The following RBPJL variants were observed in gnomAD, a reference collection of about 807,000 sequenced individuals.
The protein encoded by RBPJL is recombining binding protein suppressor of hairless-like protein.
A neutral mutation model predicts 57.6 loss-of-function variants in RBPJL; 50 were observed. That is an observed-to-expected ratio of 0.87 (90% CI 0.69 to 1.10). RBPJL has a LOEUF of 1.10. Among genes scored for constraint, RBPJL ranks in the 50% least tolerant of loss-of-function variants. The pLI is 0.00. For missense variants in RBPJL, 684 were observed against 693.7 expected, an observed-to-expected ratio of 0.99 and a Z score of 0.16; for synonymous variants, 303 against 294.4, an observed-to-expected ratio of 1.03 and a Z score of -0.30.
rs950002421 is a variant in RBPJL, at chr20:45,306,871, T to G, written c.-52T>G. ...TGCAGGGTTCCAGCGACAGCAGCAC[T>G]GGACTCGTCCAGAGGGCGGCGGGTG... is the stretch of plus-strand genomic sequence containing the variant. On this transcript the variant is annotated 5_prime_UTR_variant, in exon 1 of 12. Coordinates refer to ENST00000343694, the MANE Select transcript of RBPJL (RefSeq NM_014276.4). The G allele has an allele frequency of 2.4e-5, 30 of 1,245,212 alleles. No individual in the cohort carries two copies. Among genetic ancestry groups the G allele is most frequent in the Non-Finnish European group, 2.9e-5 (29 of 983,780 alleles). The allele number at this position is 1,245,212 out of a possible 1,614,324, so 77.1% of individuals were successfully genotyped here. A position where few individuals can be genotyped will look rare whatever the true frequency, so the allele number is the denominator to read the frequency against.
chr20:45,312,394 T>C lies in RBPJL; in HGVS notation c.618T>C (p.Asp206=), dbSNP rs756040986. ...SQKKQSLKNT[D]LCISSGSKVS... is the part of the protein sequence containing the mutation. ...AGAAGCAGTCGCTGAAAAACACCGA[T>C]CGTGAGCAGGGCGGGGCCTGACCCC... The change falls in exon 6 of 12, where the codon GAT becomes GAC. Residue 206 remains aspartate, a splice_region_variant and synonymous_variant. Coordinates refer to ENST00000343694, the MANE Select transcript of RBPJL (RefSeq NM_014276.4). 50 of 1,612,564 alleles carry C rather than the reference T, an allele frequency of 3.1e-5. No individual in the cohort carries two copies. The highest frequency in any genetic ancestry group is 4.0e-5 in the African/African-American group (3 of 74,802).
At position 45,314,478 on chromosome 20, in the gene RBPJL, C is replaced by T. The variant is rs758139297; in HGVS notation, c.933C>T (p.His311=). ...TGGATGAGCCCATCTCCCAGCTGCA[C>T]AAGTGTGCATTCCAGTTTCCAGGCA... ...LDVDEPISQL[H]KCAFQFPGSP... is the part of the protein sequence containing the mutation. Residue 311 remains histidine, a synonymous_variant, in exon 9 of 12, where the codon CAC becomes CAT. Transcript: ENST00000343694. 3 of 1,614,230 alleles carry T rather than the reference C, an allele frequency of 1.9e-6. No individual in the cohort carries two copies. In the South Asian group the frequency reaches 3.3e-5, roughly 18 times the overall value.
At position 45,316,727 on chromosome 20, in the gene RBPJL, C is replaced by T. The variant is rs1377043626; in HGVS notation, c.1322C>T (p.Ala441Val). The T allele has an allele frequency of 6.2e-7, 1 of 1,612,494 alleles. No homozygotes were observed. Among genetic ancestry groups the T allele is most frequent in the Non-Finnish European group, 8.5e-7 (1 of 1,179,362 alleles). ...SLVCVVPDVAAFCSDWRWLRA... is the reference protein window; with the variant it reads ...SLVCVVPDVAVFCSDWRWLRA... Reference sequence around the variant, plus strand: ...GTGTGCGTGGTGCCGGACGTGGCGGCCTTCTGCAGCGACTGGCGCTGGCTG... The same window carrying T: ...GTGTGCGTGGTGCCGGACGTGGCGGTCTTCTGCAGCGACTGGCGCTGGCTG... Residue 441 changes from alanine to valine, a missense_variant, in exon 12 of 12, where the codon GCC (alanine) becomes GTC (valine). By Grantham distance (64) the Ala-to-Val change is moderately conservative (BLOSUM62 0). Coordinates refer to ENST00000343694, the MANE Select transcript of RBPJL (RefSeq NM_014276.4).
intron 5 of RBPJL, 131 bp downstream of exon 5, chr20:45,312,085 A>C: frequency 6.7e-7 from 1 of 1,488,970 alleles, no homozygotes; most frequent in Non-Finnish European, 9.3e-7. Flanking sequence ...TCCTGCCTTA[A>C]GGCCGAGCCT....
In RBPJL at chr20:45,309,132, C is replaced by A. The variant is rs529380182; in HGVS notation, c.132-435C>A. On this transcript the variant is annotated intron_variant, in intron 2 of 11. Transcript: ENST00000343694. ...GCTCTCCCTTCCCCTCCCTCCTCAC[C>A]CCCCACCCTGCCTTCCCCAGGGTGG... 1.5e-3 allele frequency among the ~76,000 whole-genome samples: 226 copies of A among 152,124 alleles called. 1 individual carries two copies. In the Middle Eastern group the frequency reaches 0.017, roughly 11 times the overall value.
Position 45,309,577 on chromosome 20 carries a change from G to GAGC in RBPJL, c.144_146dup (p.Glu48_His49insGln). 1 of 1,610,110 alleles carries GAGC rather than the reference G, an allele frequency of 6.2e-7. No individual in the cohort carries two copies. ...CTGCCCTACTCCCAGGTCATCCCCA[G>GAGC]AGCACACCACCATTCTGAGGGGAGG... On this transcript the variant is annotated inframe_insertion, in exon 3 of 12. Transcript: ENST00000343694.
chr20:45,308,376 C>G (rs936706335), intron 2 of RBPJL, 125 bp downstream of exon 2: 3 of 648,406 alleles, frequency 4.6e-6, no homozygotes, highest in Non-Finnish European at 8.3e-6. Context: ...GCAACCCCTC[C>G]CACTGGCAGG....
rs1180831707 is a variant in RBPJL, at chr20:45,309,636, G to A, written c.201G>A (p.Gln67=). 1 of 1,613,680 alleles carries A rather than the reference G, an allele frequency of 6.2e-7. No homozygotes were observed. The highest frequency in any genetic ancestry group is 2.2e-5 in the East Asian group (1 of 44,838). The change falls in exon 3 of 12, where the codon CAG becomes CAA. Residue 67 remains glutamine, a synonymous_variant. Coordinates refer to ENST00000343694, the MANE Select transcript of RBPJL (RefSeq NM_014276.4). The part of the protein sequence containing the change: ...VRRCLQQQCE[Q]TVRILHAKVA... ...GGTGCCTGCAGCAACAGTGTGAACAGACTGTGCGGATCCTGCATGCCAAGG... is the reference window on the plus strand; with the variant it reads ...GGTGCCTGCAGCAACAGTGTGAACAAACTGTGCGGATCCTGCATGCCAAGG...
intron 3 of RBPJL, among the ~76,000 whole-genome samples, chr20:45,311,360 T>C (rs1987156676): frequency 6.6e-6 from 1 of 152,066 alleles, no homozygotes; most frequent in South Asian, 2.1e-4. Context: ...GGATTCTGGA[T>C]ATATTATATT....
intron 5 of RBPJL, 30 bp downstream of exon 5, chr20:45,311,984 C>T: frequency 6.6e-7 from 1 of 1,505,384 alleles, no homozygotes; most frequent in South Asian, 1.2e-5. Flanking sequence ...GGTCCGATTC[C>T]TGCTCCCATC....
In RBPJL at chr20:45,316,245, C is replaced by G; in HGVS notation, c.1079C>G (p.Thr360Ser). 6.2e-7 allele frequency: 1 copy of G among 1,614,244 alleles called. No homozygotes were observed. Among genetic ancestry groups the G allele is most frequent in the Non-Finnish European group, 8.5e-7 (1 of 1,180,028 alleles). The change falls in exon 10 of 12, where the codon ACC becomes AGC. Residue 360 changes from threonine (T) to serine (S), a missense_variant. Coordinates refer to ENST00000343694, the MANE Select transcript of RBPJL (RefSeq NM_014276.4). Reference protein sequence around the residue: ...RALLNDSSCWTIIGTESVEFS... With the variant: ...RALLNDSSCWSIIGTESVEFS... ...CTGCTTAACGACAGCTCTTGCTGGA[C>G]CATCATCGGCACCGAGTCGGTGGAA...
chr20:45,309,596 G>A lies in RBPJL; in HGVS notation c.161G>A (p.Arg54Lys), dbSNP rs1400486615. 2 of 1,613,050 alleles carry A rather than the reference G, an allele frequency of 1.2e-6. No homozygotes were observed. The highest frequency in any genetic ancestry group is 2.2e-5 in the East Asian group (1 of 44,816). ...TCCCCAGAGCACACCACCATTCTGA[G>A]GGGAGGCGTGCGCAGGTGCCTGCAG... is the stretch of plus-strand genomic sequence containing the variant. The part of the protein sequence containing the change: ...RSSPEHTTIL[R>K]GGVRRCLQQQ... The change falls in exon 3 of 12, where the codon AGG becomes AAG. Residue 54 changes from arginine (R) to lysine (K), a missense_variant. Coordinates refer to ENST00000343694, the MANE Select transcript of RBPJL (RefSeq NM_014276.4).
At chr20:45,313,908 T>G in intron 7 of RBPJL, 127 bp from the exon 8 acceptor site, 1 of 755,928 alleles carries the variant, frequency 1.3e-6, no homozygotes, top group Non-Finnish European at 2.2e-6. Context: ...TTGGCTCCCC[T>G]GAGTACCAAG....
At chr20:45,309,860 G>A (rs1239234657) in intron 3 of RBPJL, among the ~76,000 whole-genome samples, 168 bp downstream of exon 3, 1 of 152,172 alleles carries the variant, frequency 6.6e-6, no homozygotes, top group East Asian at 1.9e-4. Flanking sequence ...CCCCACTTTG[G>A]TCTATAGTTC....
chr20:45,314,716 T>A, intron 9 of RBPJL, 151 bp downstream of exon 9: 1 of 687,802 alleles, frequency 1.5e-6, no homozygotes, highest in Non-Finnish European at 2.4e-6. Flanking sequence ...GACAGAATCA[T>A]AGGATGTAGA....
In RBPJL at chr20:45,312,358, G is replaced by T. The variant is rs765826504; in HGVS notation, c.582G>T (p.Lys194Asn). 5.6e-6 allele frequency: 9 copies of T among 1,614,166 alleles called. No individual in the cohort carries two copies. In the Admixed American group the frequency reaches 1.2e-4, roughly 21 times the overall value. Residue 194 changes from lysine to asparagine, a missense_variant, in exon 6 of 12, where the codon AAG becomes AAT. Transcript: ENST00000343694. ...GCCGCCTTATCAAGGTCATCTCGAA[G>T]CCCTCGCAGAAGAAGCAGTCGCTGA... ...FHSRLIKVIS[K>N]PSQKKQSLKN...
chr20:45,308,566 T>G, intron 2 of RBPJL: 1 of 375,218 alleles, frequency 2.7e-6, no homozygotes, highest in Admixed American at 3.8e-5. Context: ...AGAAGGCACT[T>G]CCCTGAGGAG....
chr20:45,315,952 TAAA>T, intron 9 of RBPJL: 1 of 384,652 alleles, frequency 2.6e-6, no homozygotes, highest in Non-Finnish European at 4.5e-6. Flanking sequence ...GGAAGGAAAA[TAAA>T]GAAAAAAGAA....
At chr20:45,314,675 C>T in intron 9 of RBPJL, 110 bp downstream of exon 9, 3 of 982,030 alleles carry the variant, frequency 3.1e-6, no homozygotes, top group Non-Finnish European at 4.6e-6. Context: ...TGAGCAGCCT[C>T]CCATGGAACA....
Sources: allele counts gnomAD v4.1 joint callset (sites outside exome capture counted in the v4.1 genomes callset), GRCh38; gene constraint gnomAD v4.1.1; transcripts MANE v1.5; gene names NCBI Gene and HGNC (gene_info 2026-07-23, HGNC 2026-07-21).